The following SORCS3 variants were observed in gnomAD, a reference collection of about 807,000 sequenced individuals.
SORCS3 encodes the protein VPS10 domain-containing receptor SorCS3.
A neutral mutation model predicts 146.3 loss-of-function variants in SORCS3; 57 were observed. That is an observed-to-expected ratio of 0.39 (90% CI 0.31 to 0.49). SORCS3 has a LOEUF of 0.49. SORCS3 is among the 20% of genes least tolerant of loss of function. The pLI is 0.92. For synonymous variants in SORCS3, 653 were observed against 618.5 expected (o/e 1.06, Z -0.83); for missense variants, 1,341 against 1,575.5 (o/e 0.85, Z 2.52).
intron 1 of SORCS3, among the ~76,000 whole-genome samples, chr10:104,651,961 C>G (rs2015566826): frequency 6.6e-6 from 1 of 152,050 alleles, no homozygotes; most frequent in African/African-American, 2.4e-5. Flanking sequence ...ATATCTAGCC[C>G]CCTTGACTAC....
chr10:104,717,193 G>A (rs1293670278), intron 1 of SORCS3, among the ~76,000 whole-genome samples: 1 of 151,744 alleles, frequency 6.6e-6, no homozygotes, highest in Admixed American at 6.6e-5. Flanking sequence ...GCTGAGATGG[G>A]AGTATCACTT....
intron 1 of SORCS3, among the ~76,000 whole-genome samples, chr10:104,799,190 C>T (rs553699235): frequency 6.6e-6 from 1 of 152,302 alleles, no homozygotes; most frequent in East Asian, 1.9e-4. Context: ...AATCCCATTA[C>T]TGGGCATATA....
At chr10:104,916,765 C>A (rs1023726916) in intron 3 of SORCS3, among the ~76,000 whole-genome samples, 2 of 151,790 alleles carry the variant, frequency 1.3e-5, no homozygotes, top group African/African-American at 4.8e-5. Flanking sequence ...TTCTAAAAGG[C>A]TAAAAAAAAA....
rs1212204509 is a variant in SORCS3 at position 105,255,120 on chromosome 10, C to T, written c.3238-582C>T. Among the ~76,000 whole-genome samples, 3 of 132,380 alleles carry T rather than the reference C, an allele frequency of 2.3e-5. No homozygotes were observed. In the East Asian group the frequency reaches 7.6e-4, roughly 34 times the overall value. 86.8% of individuals were successfully genotyped at this position (132,380 alleles called of 152,430 possible). On this transcript the variant is annotated intron_variant, in intron 23 of 26. Transcript: ENST00000369701. ...GGAGAATGGCGTGAACCCGGGGGGGCGGAGCCTGCGGTGAGCCGAGATCGC... is the reference window on the plus strand; with the variant it reads ...GGAGAATGGCGTGAACCCGGGGGGGTGGAGCCTGCGGTGAGCCGAGATCGC...
At chr10:104,738,252 T>C (rs983729417) in intron 1 of SORCS3, among the ~76,000 whole-genome samples, 19 of 152,224 alleles carry the variant, frequency 1.2e-4, no homozygotes, top group African/African-American at 4.6e-4. Context: ...CGGGCTCTTT[T>C]TTGGTTCCAT....
rs551592495 is a variant in SORCS3 at position 104,859,619 on chromosome 10, T to G, written c.695+16760T>G. On this transcript the variant is annotated intron_variant, in intron 2 of 26. Coordinates refer to ENST00000369701, the MANE Select transcript of SORCS3 (RefSeq NM_014978.3). ...TGCACAGCAAAAGAAACTACCATCA[T>G]AGTGAACAGGCAACCTACAAAATGG... Among the ~76,000 whole-genome samples the G allele has an allele frequency of 4.0e-3, 604 of 152,250 alleles. 2 individuals carry two copies. Among genetic ancestry groups the G allele is most frequent in the Non-Finnish European group, 6.1e-3 (414 of 68,004 alleles).
At chr10:105,255,897 T>A in intron 24 of SORCS3, 96 bp downstream of exon 24, 1 of 985,362 alleles carries the variant, frequency 1.0e-6, no homozygotes, top group Non-Finnish European at 1.5e-6. Context: ...GCATAATGTC[T>A]GAAAGTGGCT....
At position 104,641,426 on chromosome 10, in the gene SORCS3, C is replaced by A. The variant is rs1362804627; in HGVS notation, c.99C>A (p.Ala33=). 6.8e-7 allele frequency: 1 copy of A among 1,470,080 alleles called. No homozygotes were observed. Among genetic ancestry groups the A allele is most frequent in the Non-Finnish European group, 8.9e-7 (1 of 1,117,732 alleles). The allele number at this position is 1,470,080 out of a possible 1,614,324, so 91.1% of individuals were successfully genotyped here. A position where few individuals can be genotyped will look rare whatever the true frequency, so the allele number is the denominator to read the frequency against. The change falls in exon 1 of 27, where the codon GCC becomes GCA. Residue 33 remains alanine (A), a synonymous_variant. Transcript: ENST00000369701. The surrounding 1 kb of genome is among the most constrained non-coding windows in gnomAD (Gnocchi z 6.4). The part of the protein sequence containing the change: ...LLLSTWVLAG[A]EITWDATGGP... Reference sequence around the variant, plus strand: ...TGTCGACGTGGGTCCTGGCCGGCGCCGAGATCACTTGGGACGCGACAGGCG... The same window carrying A: ...TGTCGACGTGGGTCCTGGCCGGCGCAGAGATCACTTGGGACGCGACAGGCG...
intron 5 of SORCS3, among the ~76,000 whole-genome samples, chr10:105,048,832 T>C (rs1352814726): frequency 6.6e-6 from 1 of 152,162 alleles, no homozygotes; most frequent in Non-Finnish European, 1.5e-5. Context: ...CCTAAATATA[T>C]ACATGTGAGT....
chr10:105,227,985 TTGTGTGTGTGTGTGTGTGTGTG>T (rs59033040), intron 20 of SORCS3, among the ~76,000 whole-genome samples: 7 of 128,852 alleles, frequency 5.4e-5, no homozygotes, highest in African/African-American at 1.5e-4. Flanking sequence ...TGTGGTCATT[TTGTGTGTGTGTGTGTGTGTGTG>T]TGTGTGTGTG....
intron 1 of SORCS3, among the ~76,000 whole-genome samples, chr10:104,687,511 G>GT (rs917969314): frequency 1.3e-5 from 2 of 152,172 alleles, no homozygotes; most frequent in African/African-American, 2.4e-5. Flanking sequence ...ACACACTAAG[G>GT]TGTAAATGAT....
At position 105,263,632 on chromosome 10, in the gene SORCS3, C is replaced by T. The variant is rs3750261; in HGVS notation, c.*258C>T. 112,779 of 451,234 alleles carry T rather than the reference C, an allele frequency of 0.25. 14,377 individuals are homozygous for T. The highest frequency in any genetic ancestry group is 0.31 in the South Asian group (9,992 of 32,600). The allele number at this position is 451,234 out of a possible 1,614,324, so 28.0% of individuals were successfully genotyped here. A position where few individuals can be genotyped will look rare whatever the true frequency, so the allele number is the denominator to read the frequency against. On this transcript the variant is annotated 3_prime_UTR_variant, in exon 27 of 27. Coordinates refer to ENST00000369701, the MANE Select transcript of SORCS3 (RefSeq NM_014978.3). Reference sequence around the variant, plus strand: ...CCACAGCCTCCTCGCTTTACTCTGCCATTGGTAGCTTAAAGACTTTCTTTT... The same window carrying T: ...CCACAGCCTCCTCGCTTTACTCTGCTATTGGTAGCTTAAAGACTTTCTTTT...
chr10:104,954,895 G>GT (rs1217758328), intron 3 of SORCS3, among the ~76,000 whole-genome samples: 3 of 152,140 alleles, frequency 2.0e-5, no homozygotes, highest in African/African-American at 7.2e-5. Flanking sequence ...TATCATCCTA[G>GT]TTTTTCTGGA....
At chr10:105,168,370 G>A (rs2056332451) in intron 13 of SORCS3, among the ~76,000 whole-genome samples, 1 of 152,168 alleles carries the variant, frequency 6.6e-6, no homozygotes. Context: ...ACAACTTGTT[G>A]CTGTTGTTGT....
At chr10:105,146,213 G>A (rs893326202) in intron 8 of SORCS3, among the ~76,000 whole-genome samples, 2 of 152,028 alleles carry the variant, frequency 1.3e-5, no homozygotes, top group African/African-American at 4.8e-5. Flanking sequence ...TCCTGACTGT[G>A]TAAGTTCTCT....
At chr10:105,218,075 C>T (rs1249109192) in intron 19 of SORCS3, among the ~76,000 whole-genome samples, 2 of 152,174 alleles carry the variant, frequency 1.3e-5, no homozygotes, top group East Asian at 3.9e-4. Flanking sequence ...ATTGTATAAA[C>T]AACCTACACC....
intron 5 of SORCS3, among the ~76,000 whole-genome samples, chr10:105,062,783 T>C (rs2055496773): frequency 6.6e-6 from 1 of 152,254 alleles, no homozygotes; most frequent in Admixed American, 6.5e-5. Context: ...TCCAAGGAAG[T>C]GCCCAGTTTC....
At chr10:104,655,505 T>C (rs1404341973) in intron 1 of SORCS3, among the ~76,000 whole-genome samples, 1 of 152,208 alleles carries the variant, frequency 6.6e-6, no homozygotes, top group African/African-American at 2.4e-5. Flanking sequence ...GAACATGTGG[T>C]ATTTGGTTTC....
chr10:104,676,174 A>C (rs573277937), intron 1 of SORCS3, among the ~76,000 whole-genome samples: 6 of 152,068 alleles, frequency 3.9e-5, no homozygotes, highest in Non-Finnish European at 5.9e-5. Flanking sequence ...TTGTGTCTTC[A>C]TATCTTTTAT....
Sources: gnomAD v4.1 joint callset for allele counts (sites outside exome capture counted in the v4.1 genomes callset) on GRCh38, gnomAD v4.1.1 for gene constraint, Gnocchi (gnomAD v3.1) non-coding constraint, MANE v1.5 for transcripts, NCBI Gene and HGNC (gene_info 2026-07-23, HGNC 2026-07-21) for gene names.